CYRIB: variants seen among roughly 807,000 people sequenced by gnomAD.
The protein encoded by CYRIB is CYFIP-related Rac1 interactor B.
In CYRIB, 8 loss-of-function variants were observed where a neutral mutation model predicts 44.2. The observed-to-expected ratio is 0.18, with a 90% CI of 0.11 to 0.33. The LOEUF (loss-of-function observed/expected upper bound fraction) is 0.33, where lower values mean the gene tolerates loss of function less well. CYRIB is among the 10% of genes least tolerant of loss of function. The pLI, the probability that CYRIB is intolerant of heterozygous loss-of-function variation, is 1.00. For synonymous variants in CYRIB, 131 were observed against 127.2 expected (o/e 1.03, Z -0.20); for missense variants, 185 against 382.8 (o/e 0.48, Z 4.31).
At chr8:130,013,904 C>T (rs543574342) in intron 1 of CYRIB, among the ~76,000 whole-genome samples, 5 of 152,218 alleles carry the variant, frequency 3.3e-5, no homozygotes, top group African/African-American at 1.2e-4. Context: ...TCAAAAGACA[C>T]GTACTGTTTC....
chr8:129,985,788 C>A (rs1004992843), intron 1 of CYRIB, among the ~76,000 whole-genome samples: 2 of 152,162 alleles, frequency 1.3e-5, no homozygotes, highest in African/African-American at 4.8e-5. Flanking sequence ...ACCTCCACAA[C>A]AAATCAATGC....
chr8:130,014,163 G>T (rs1056235042), intron 1 of CYRIB, among the ~76,000 whole-genome samples: 1 of 152,148 alleles, frequency 6.6e-6, no homozygotes, highest in Non-Finnish European at 1.5e-5. Flanking sequence ...ATCTGGGCCG[G>T]GCACAGTGGC....
intron 7 of CYRIB, 113 bp downstream of exon 9, chr8:129,854,153 C>A: frequency 1.2e-6 from 1 of 838,250 alleles, no homozygotes; most frequent in Non-Finnish European, 1.9e-6. Context: ...CCCATAATTA[C>A]TAACTTTATT....
rs112007428 is a variant in CYRIB at position 129,845,430 on chromosome 8, G to T, written c.911+1374C>A. ...ATTAAATATTGGCAAAACCACTGAA[G>T]TATGCGTTGTAAAAACCCCAAGAAT... On this transcript the variant is annotated intron_variant, in intron 11 of 11. Transcript: ENST00000519824. Among the ~76,000 whole-genome samples the T allele has an allele frequency of 8.4e-3, 1,285 of 152,252 alleles. 17 individuals are homozygous for T. Among genetic ancestry groups the T allele is most frequent in the African/African-American group, 0.029 (1,225 of 41,540 alleles).
At chr8:129,982,296 G>A (rs1463349279) in intron 1 of CYRIB, among the ~76,000 whole-genome samples, 1 of 152,228 alleles carries the variant, frequency 6.6e-6, no homozygotes, top group African/African-American at 2.4e-5. Flanking sequence ...CGATGAAGAT[G>A]ATCTCTGTCT....
rs1179579278 is a variant in CYRIB, at chr8:129,841,890, C to G, written c.*252G>C. The stretch of plus-strand genomic sequence containing the variant: ...TCACAGAATTTTTCTCAGTAGAGAC[C>G]CCAATGCAATGCATAATTAGCTGCC... On this transcript the variant is annotated 3_prime_UTR_variant, in exon 12 of 12. Coordinates refer to ENST00000519824, the Ensembl canonical transcript of CYRIB. 1.0e-5 allele frequency: 4 copies of G among 383,580 alleles called. No individual in the cohort carries two copies. In the East Asian group the frequency reaches 1.2e-4, roughly 11 times the overall value. The allele number at this position is 383,580 out of a possible 1,614,324, so 23.8% of individuals were successfully genotyped here. A position where few individuals can be genotyped will look rare whatever the true frequency, so the allele number is the denominator to read the frequency against.
At chr8:129,860,801 T>C (rs1003854560) in intron 5 of CYRIB, among the ~76,000 whole-genome samples, 3 of 151,744 alleles carry the variant, frequency 2.0e-5, no homozygotes, top group Non-Finnish European at 2.9e-5. Context: ...GAGGCAGAGA[T>C]GGTTTGCCAT....
intron 2 of CYRIB, among the ~76,000 whole-genome samples, chr8:129,964,446 A>G (rs147979381): frequency 6.6e-6 from 1 of 152,302 alleles, no homozygotes; most frequent in East Asian, 1.9e-4. Flanking sequence ...CGAAGTTAAG[A>G]TGCCTCTCAG....
intron 5 of CYRIB, among the ~76,000 whole-genome samples, chr8:129,858,394 C>T (rs780201222): frequency 6.6e-6 from 1 of 152,118 alleles, no homozygotes; most frequent in Non-Finnish European, 1.5e-5. Flanking sequence ...GAGCCAAAAC[C>T]ACAGAAGGAG....
chr8:130,012,945 T>C (rs16904189), intron 1 of CYRIB, among the ~76,000 whole-genome samples: 12,037 of 152,142 alleles, frequency 0.079, 876 homozygotes, highest in African/African-American at 0.2. Context: ...AAAACAAGAT[T>C]ACAAGGCGTC....
intron 1 of CYRIB, among the ~76,000 whole-genome samples, chr8:129,910,216 C>T (rs2077249472): frequency 6.6e-6 from 1 of 152,222 alleles, no homozygotes; most frequent in Non-Finnish European, 1.5e-5. Flanking sequence ...ACGGTCTTCT[C>T]AAAGTGACAT....
intron 1 of CYRIB, among the ~76,000 whole-genome samples, chr8:129,933,118 T>C (rs913592310): frequency 1.1e-4 from 17 of 152,298 alleles, no homozygotes; most frequent in South Asian, 2.1e-4. Flanking sequence ...TAAGTAATGA[T>C]GACCTTGCTG....
intron 1 of CYRIB, among the ~76,000 whole-genome samples, chr8:130,006,375 G>T (rs1310216831): frequency 6.7e-6 from 1 of 150,134 alleles, no homozygotes; most frequent in Non-Finnish European, 1.5e-5. Context: ...CATCTACTTG[G>T]GGGGCTGAAG....
chr8:129,958,082 G>A lies in CYRIB; in HGVS notation c.-243+12861C>T, dbSNP rs370185155. 2.4e-3 allele frequency among the ~76,000 whole-genome samples: 365 copies of A among 152,210 alleles called. 2 individuals carry two copies. Among genetic ancestry groups the A allele is most frequent in the African/African-American group, 8.5e-3 (354 of 41,552 alleles). On this transcript the variant is annotated intron_variant, in intron 2 of 14. Transcript: ENST00000401979. ...TGAGGAATGAGAATCGCTTGAACCC[G>A]AGAGATGGAGGTTGTAGTGAGCCAA...
chr8:129,974,092 G>C (rs955339508), intron 1 of CYRIB, among the ~76,000 whole-genome samples: 1 of 152,144 alleles, frequency 6.6e-6, no homozygotes, highest in African/African-American at 2.4e-5. Flanking sequence ...CAGCCTGTCT[G>C]AGGCCAAGGC....
intron 1 of CYRIB, among the ~76,000 whole-genome samples, chr8:130,006,612 A>G (rs1471617121): frequency 6.0e-5 from 1 of 16,712 alleles, no homozygotes. Context: ...ATATACATAT[A>G]TATGTGTATA....
chr8:129,989,858 G>T (rs2096583080), intron 1 of CYRIB, among the ~76,000 whole-genome samples: 1 of 137,158 alleles, frequency 7.3e-6, no homozygotes, highest in Non-Finnish European at 1.5e-5. Context: ...TGTGTTCTCA[G>T]TGTTCAACTC....
At chr8:129,912,997 G>C (rs1011133962) in intron 1 of CYRIB, among the ~76,000 whole-genome samples, 2 of 145,820 alleles carry the variant, frequency 1.4e-5, no homozygotes, top group Middle Eastern at 3.3e-3. Flanking sequence ...TTTTGAGACG[G>C]AGACTGCTCT....
At chr8:129,849,438 A>ACAC in intron 9 of CYRIB, 69 bp from the exon 12 acceptor site, 2 of 1,417,450 alleles carry the variant, frequency 1.4e-6, no homozygotes, top group Non-Finnish European at 1.9e-6. Flanking sequence ...ACACACACAC[A>ACAC]AGAAAAACCT....
Sources: allele counts gnomAD v4.1 joint callset (sites outside exome capture counted in the v4.1 genomes callset), GRCh38; gene constraint gnomAD v4.1.1; transcripts MANE v1.5; gene names NCBI Gene and HGNC (gene_info 2026-07-23, HGNC 2026-07-21).